Variants in CHCHD3 observed in about 807,000 individuals in gnomAD.
CHCHD3 encodes the protein coiled-coil-helix-coiled-coil-helix domain containing 3, also known as MICOS complex subunit MIC19.
A neutral mutation model predicts 38.2 loss-of-function variants in CHCHD3; 20 were observed. That is an observed-to-expected ratio of 0.52 (90% CI 0.37 to 0.76). The LOEUF (loss-of-function observed/expected upper bound fraction) is 0.76, where lower values mean the gene tolerates loss of function less well. Among genes scored for constraint, CHCHD3 ranks in the 30% least tolerant of loss-of-function variants. CHCHD3 has a pLI of 0.00. For missense variants in CHCHD3, 245 were observed against 279.2 expected, an observed-to-expected ratio of 0.88 and a Z score of 0.87; for synonymous variants, 82 against 100.0, an observed-to-expected ratio of 0.82 and a Z score of 1.07.
At chr7:133,052,524 A>G (rs1315155645) in intron 2 of CHCHD3, among the ~76,000 whole-genome samples, 1 of 152,258 alleles carries the variant, frequency 6.6e-6, no homozygotes, top group African/African-American at 2.4e-5. Context: ...AACAGCAAGC[A>G]GGAGAAAGCT....
intron 4 of CHCHD3, chr7:132,973,653 AC>A: frequency 9.8e-7 from 1 of 1,020,868 alleles, no homozygotes; most frequent in Non-Finnish European, 1.2e-6. Context: ...TGCAACCGGG[AC>A]CCCAGATTTG....
chr7:132,886,489 G>C (rs1809218107), intron 4 of CHCHD3, among the ~76,000 whole-genome samples: 2 of 151,522 alleles, frequency 1.3e-5, no homozygotes, highest in South Asian at 4.2e-4. Flanking sequence ...TTGGTATCTT[G>C]AATATTATGT....
At chr7:133,024,390 A>G (rs1813274855) in intron 3 of CHCHD3, among the ~76,000 whole-genome samples, 156 bp downstream of exon 3, 1 of 152,222 alleles carries the variant, frequency 6.6e-6, no homozygotes, top group African/African-American at 2.4e-5. Context: ...TAAGAGGCAC[A>G]ATCTAAAACC....
At chr7:133,014,121 T>G (rs1812957770) in intron 3 of CHCHD3, among the ~76,000 whole-genome samples, 1 of 152,148 alleles carries the variant, frequency 6.6e-6, no homozygotes, top group Non-Finnish European at 1.5e-5. Flanking sequence ...TGCCCTGTAA[T>G]TTACGGATTT....
At chr7:132,933,329 C>A (rs575060667) in intron 4 of CHCHD3, among the ~76,000 whole-genome samples, 11 of 152,226 alleles carry the variant, frequency 7.2e-5, no homozygotes, top group African/African-American at 2.6e-4. Context: ...GAAGGGGCCA[C>A]GTGATTTCTG....
At chr7:132,886,766 T>G (rs1169632655) in intron 4 of CHCHD3, among the ~76,000 whole-genome samples, 1 of 151,778 alleles carries the variant, frequency 6.6e-6, no homozygotes, top group Non-Finnish European at 1.5e-5. Flanking sequence ...ATATGTAAAG[T>G]GTATACATTT....
At chr7:133,067,892 G>A (rs898626651) in intron 2 of CHCHD3, among the ~76,000 whole-genome samples, 13 of 152,224 alleles carry the variant, frequency 8.5e-5, no homozygotes, top group Admixed American at 5.9e-4. Context: ...CGAGGCGGGC[G>A]GATCACGAGG....
chr7:132,785,321 C>T lies in CHCHD3; in HGVS notation c.*316G>A. On this transcript the variant is annotated 3_prime_UTR_variant, in exon 8 of 8. Coordinates refer to ENST00000262570, the MANE Select transcript of CHCHD3 (RefSeq NM_017812.4). ...TGATGGGGCTTGTTCAGAAGAGAAA[C>T]ATTTTATGGTCAGTGCAAGTTGAAT... 3.3e-6 allele frequency: 1 copy of T among 301,298 alleles called. No individual in the cohort carries two copies. 18.7% of individuals were successfully genotyped at this position (301,298 alleles called of 1,614,324 possible).
intron 3 of CHCHD3, among the ~76,000 whole-genome samples, chr7:132,998,084 G>A (rs1270937090): frequency 6.6e-6 from 1 of 151,926 alleles, no homozygotes; most frequent in Non-Finnish European, 1.5e-5. Flanking sequence ...TTATCTTTAC[G>A]GTAATTTCCA....
chr7:132,864,193 C>T (rs1388018155), intron 5 of CHCHD3, among the ~76,000 whole-genome samples: 2 of 152,176 alleles, frequency 1.3e-5, no homozygotes, highest in African/African-American at 2.4e-5. Flanking sequence ...AGATGTGTGA[C>T]TCTTCCTTTC....
intron 3 of CHCHD3, among the ~76,000 whole-genome samples, chr7:133,015,374 A>AAATAAATG: frequency 6.6e-6 from 1 of 151,276 alleles, no homozygotes; most frequent in East Asian, 1.9e-4. Flanking sequence ...ATAAATAAAT[A>AAATAAATG]AATAAATAAA....
intron 6 of CHCHD3, among the ~76,000 whole-genome samples, chr7:132,797,563 C>A (rs986360132): frequency 3.3e-5 from 5 of 152,162 alleles, no homozygotes; most frequent in African/African-American, 1.2e-4. Context: ...TTTGTTACCT[C>A]AGCTATTAGA....
intron 4 of CHCHD3, among the ~76,000 whole-genome samples, chr7:132,909,505 AAAC>A (rs938070653): frequency 6.6e-5 from 10 of 152,128 alleles, no homozygotes; most frequent in Admixed American, 1.3e-4. Flanking sequence ...AACAAACAAA[AAAC>A]AACAACAACA....
Position 132,838,284 on chromosome 7 carries a change from C to CG in CHCHD3, c.524+114_524+115insC, listed in dbSNP as rs1222961382. On this transcript the variant is annotated intron_variant, in intron 6 of 7. Coordinates refer to ENST00000262570, the MANE Select transcript of CHCHD3 (RefSeq NM_017812.4). ...CCCCCATCTCAACCACCCCAAAACT[C>CG]TTCCAAGTATTCTAGAGTGCTATAT... 23 of 637,334 alleles carry CG rather than the reference C, an allele frequency of 3.6e-5. No homozygotes were observed. In the African/African-American group the frequency reaches 4.2e-4, roughly 12 times the overall value. 39.5% of individuals were successfully genotyped at this position (637,334 alleles called of 1,614,324 possible). A position where few individuals can be genotyped will look rare whatever the true frequency, so the allele number is the denominator to read the frequency against.
At chr7:132,827,644 C>T (rs933675743) in intron 6 of CHCHD3, among the ~76,000 whole-genome samples, 2 of 152,222 alleles carry the variant, frequency 1.3e-5, no homozygotes, top group African/African-American at 4.8e-5. Flanking sequence ...AAAACTATCA[C>T]TCAGAATACA....
At chr7:132,951,486 C>T (rs1005071675) in intron 4 of CHCHD3, among the ~76,000 whole-genome samples, 1 of 152,138 alleles carries the variant, frequency 6.6e-6, no homozygotes, top group African/African-American at 2.4e-5. Flanking sequence ...ATATACGAAG[C>T]CATATAACTA....
intron 7 of CHCHD3, among the ~76,000 whole-genome samples, chr7:132,791,159 T>G (rs568136137): frequency 6.6e-6 from 1 of 152,172 alleles, no homozygotes; most frequent in African/African-American, 2.4e-5. Context: ...CCTGGGAAAT[T>G]TGGTCAAAGT....
chr7:132,959,335 G>A (rs1811254956), intron 4 of CHCHD3, among the ~76,000 whole-genome samples: 1 of 152,214 alleles, frequency 6.6e-6, no homozygotes, highest in Admixed American at 6.5e-5. Context: ...ATACACAGTT[G>A]TCTGACTGTC....
intron 4 of CHCHD3, among the ~76,000 whole-genome samples, chr7:132,947,901 A>G (rs1230736877): frequency 6.6e-6 from 1 of 152,080 alleles, no homozygotes; most frequent in Non-Finnish European, 1.5e-5. Flanking sequence ...TCAATATGAC[A>G]TACAGATATC....
Sources: gnomAD v4.1 joint callset for allele counts (sites outside exome capture counted in the v4.1 genomes callset) on GRCh38, gnomAD v4.1.1 for gene constraint, MANE v1.5 for transcripts, NCBI Gene and HGNC (gene_info 2026-07-23, HGNC 2026-07-21) for gene names.